Variants in SCNN1B observed in about 807,000 individuals in gnomAD.
SCNN1B encodes sodium channel epithelial 1 subunit beta.
A neutral mutation model predicts 65.3 loss-of-function variants in SCNN1B; 46 were observed. The observed-to-expected ratio is 0.70, with a 90% CI of 0.56 to 0.90. The LOEUF (loss-of-function observed/expected upper bound fraction) is 0.90. Ranked by LOEUF, SCNN1B falls within the 40% of genes least tolerant of loss-of-function variation. The pLI is 0.00. For synonymous variants in SCNN1B, 349 were observed against 330.6 expected, an observed-to-expected ratio of 1.06 and a Z score of -0.60; for missense variants, 751 against 830.5, an observed-to-expected ratio of 0.90 and a Z score of 1.18.
intron 4 of SCNN1B, chr16:23,358,112 G>A (rs73544445): frequency 0.081 from 12,309 of 152,270 alleles, 570 homozygotes; most frequent in Middle Eastern, 0.13. Flanking sequence ...AAGCTGTGCC[G>A]GCCACCTCAT....
At chr16:23,296,700 C>T (rs1460804964) in intron 2 of SCNN1B, among the ~76,000 whole-genome samples, 2 of 152,244 alleles carry the variant, frequency 1.3e-5, no homozygotes, top group Admixed American at 1.3e-4. Flanking sequence ...TGGCCTCGGG[C>T]AATGAGATCG....
At chr16:23,339,331 A>G (rs1428769174) in intron 1 of SCNN1B, among the ~76,000 whole-genome samples, 10 of 152,180 alleles carry the variant, frequency 6.6e-5, no homozygotes, top group Non-Finnish European at 1.2e-4. Flanking sequence ...ACATATATGT[A>G]CAAGTCTGTG....
intron 2 of SCNN1B, among the ~76,000 whole-genome samples, chr16:23,295,757 TAGGGTAGTAC>T (rs1179260367): frequency 2.6e-5 from 4 of 152,272 alleles, no homozygotes; most frequent in African/African-American, 9.6e-5. Flanking sequence ...AGGAAGTTCT[TAGGGTAGTAC>T]AGTGTTAGAG....
chr16:23,329,552 C>T (rs1287383576), intron 1 of SCNN1B, among the ~76,000 whole-genome samples: 1 of 152,180 alleles, frequency 6.6e-6, no homozygotes. Context: ...TAAGCACCCT[C>T]GGAGGTAGGT....
At position 23,375,779 on chromosome 16, in the gene SCNN1B, C is replaced by G. The variant is rs1409825050; in HGVS notation, c.1194C>G (p.Asn398Lys). 1 of 1,614,188 alleles carries G rather than the reference C, an allele frequency of 6.2e-7. No individual in the cohort carries two copies. Among genetic ancestry groups the G allele is most frequent in the Non-Finnish European group, 8.5e-7 (1 of 1,179,998 alleles). The change falls in exon 8 of 13, where the codon AAC (asparagine) becomes AAG (lysine). Residue 398 changes from asparagine (N) to lysine (K), a missense_variant. Physicochemically the swap from Asn to Lys is moderately conservative, Grantham distance 94. Coordinates refer to ENST00000343070, the MANE Select transcript of SCNN1B (RefSeq NM_000336.3). Reference sequence around the variant, plus strand: ...GCTTCCAAGACCACATGATCCGTAACTGCAACTGTGGCCACTACCTGTACC... The same window carrying G: ...GCTTCCAAGACCACATGATCCGTAAGTGCAACTGTGGCCACTACCTGTACC... ...RSCFQDHMIR[N>K]CNCGHYLYPL... is the part of the protein sequence containing the mutation.
At chr16:23,376,745 A>T (rs1465164601) in intron 8 of SCNN1B, among the ~76,000 whole-genome samples, 6 of 112,122 alleles carry the variant, frequency 5.4e-5, no homozygotes, top group East Asian at 2.6e-4. Flanking sequence ...CCCCGTCTAT[A>T]AAAAAAAAAA....
chr16:23,305,298 A>C (rs73542332), intron 1 of SCNN1B, among the ~76,000 whole-genome samples: 9,072 of 151,676 alleles, frequency 0.06, 925 homozygotes, highest in African/African-American at 0.21. Context: ...GATTATTCCC[A>C]AGATTTTAAA....
intron 8 of SCNN1B, 63 bp from the exon 9 acceptor site, chr16:23,377,102 G>A: frequency 6.9e-7 from 1 of 1,448,326 alleles, no homozygotes; most frequent in East Asian, 2.4e-5. Context: ...AGGCTCAGCA[G>A]GGAACAGGGG....
At chr16:23,296,431 C>T (rs1960997757) in intron 2 of SCNN1B, among the ~76,000 whole-genome samples, 1 of 152,170 alleles carries the variant, frequency 6.6e-6, no homozygotes, top group African/African-American at 2.4e-5. Context: ...TCTCCGGTCC[C>T]CTACCCACCC....
At chr16:23,361,703 G>T (rs1342393213) in intron 4 of SCNN1B, among the ~76,000 whole-genome samples, 8 of 152,112 alleles carry the variant, frequency 5.3e-5, no homozygotes, top group Non-Finnish European at 1.2e-4. Flanking sequence ...TTTAACTTTT[G>T]CCTACTTTCT....
chr16:23,317,033 G>T (rs1171111334), intron 1 of SCNN1B, among the ~76,000 whole-genome samples: 1 of 152,202 alleles, frequency 6.6e-6, no homozygotes, highest in East Asian at 1.9e-4. Flanking sequence ...AGACCCAAAG[G>T]ACATGATGAC....
At chr16:23,355,531 G>A (rs745894397) in intron 4 of SCNN1B, 42 bp downstream of exon 4, 19 of 1,596,680 alleles carry the variant, frequency 1.2e-5, no homozygotes, top group African/African-American at 4.0e-5. Flanking sequence ...CCCTGGCACC[G>A]AGAGACAGTG....
chr16:23,282,852 G>C (rs994147902), intron 1 of SCNN1B, among the ~76,000 whole-genome samples: 4 of 152,218 alleles, frequency 2.6e-5, no homozygotes, highest in Non-Finnish European at 5.9e-5. Context: ...CTGCCTCTGA[G>C]CTGCTTTTCT....
At chr16:23,299,076 T>C (rs1353791206), upstream of SCNN1B, among the ~76,000 whole-genome samples, 1 of 149,996 alleles carries the variant, frequency 6.7e-6, no homozygotes, top group African/African-American at 2.5e-5. Flanking sequence ...TTTTTTTTTT[T>C]CGAGATTGAG....
intron 1 of SCNN1B, among the ~76,000 whole-genome samples, chr16:23,314,964 G>A (rs1411105967): frequency 6.6e-6 from 1 of 152,176 alleles, no homozygotes; most frequent in African/African-American, 2.4e-5. Flanking sequence ...GCCCAGACCA[G>A]GGCCTGGAAA....
Position 23,380,922 on chromosome 16 carries a change from T to C in SCNN1B, c.*121T>C. The C allele has an allele frequency of 8.9e-7, 1 of 1,121,470 alleles. No homozygotes were observed. The highest frequency in any genetic ancestry group is 1.3e-6 in the Non-Finnish European group (1 of 742,336). The allele number at this position is 1,121,470 out of a possible 1,614,324, so 69.5% of individuals were successfully genotyped here. A position where few individuals can be genotyped will look rare whatever the true frequency, so the allele number is the denominator to read the frequency against. The stretch of plus-strand genomic sequence containing the variant: ...GAGGGTAGCTCTCCAGGCCAGAGCT[T>C]GTGTCCTTCAACAGAGAGGCCAGCG... On this transcript the variant is annotated 3_prime_UTR_variant, in exon 13 of 13. Transcript: ENST00000343070. This position sits in a 1 kb window ranked among gnomAD's most constrained non-coding sequence, Gnocchi z 5.4.
chr16:23,354,481 G>T (rs1962376039), intron 3 of SCNN1B, among the ~76,000 whole-genome samples: 1 of 152,248 alleles, frequency 6.6e-6, no homozygotes, highest in African/African-American at 2.4e-5. Context: ...GGCCAAGTCT[G>T]TCACGTGTCT....
In SCNN1B at chr16:23,291,238, T is replaced by C. The variant is rs1443899692; in HGVS notation, n.178+7434T>C. Among the ~76,000 whole-genome samples, 5 of 152,144 alleles carry C rather than the reference T, an allele frequency of 3.3e-5. No homozygotes were observed. The East Asian group carries it at 9.7e-4, about 29-fold the overall frequency. ...CACCAAGCCTAGCTAATTTCTTGTA[T>C]TTTTAGTAGAGACAGGGTTTCACCA... On this transcript the variant is annotated intron_variant and non_coding_transcript_variant, in intron 2 of 3. Transcript: ENST00000569789.
At chr16:23,365,593 GAA>G (rs1491491588) in intron 4 of SCNN1B, among the ~76,000 whole-genome samples, 735 of 61,896 alleles carry the variant, frequency 0.012, 8 homozygotes, top group East Asian at 0.062. Context: ...GAAAGAGAAA[GAA>G]AGAAAGAAAG....
Sources: allele counts gnomAD v4.1 joint callset (sites outside exome capture counted in the v4.1 genomes callset), GRCh38; gene constraint gnomAD v4.1.1; non-coding constraint Gnocchi (gnomAD v3.1); transcripts MANE v1.5; gene names NCBI Gene and HGNC (gene_info 2026-07-23, HGNC 2026-07-21).